RCCD1: variants seen among roughly 807,000 people sequenced by gnomAD.
RCCD1 encodes the protein RCC1 domain containing 1.
Under a neutral mutation model 37.6 loss-of-function variants are expected in RCCD1, and 40 were observed. The ratio of observed to expected loss-of-function variants is 1.06; its 90% CI spans 0.83 to 1.39. The LOEUF (loss-of-function observed/expected upper bound fraction) is 1.39. RCCD1 is among the 40% of genes most tolerant of loss of function. The probability of loss-of-function intolerance (pLI) is 0.00; values close to 1 mark genes in which losing one functional copy is unlikely to be tolerated. For missense variants in RCCD1, 577 were observed against 517.3 expected (o/e 1.12, Z -1.12); for synonymous variants, 263 against 230.0 (o/e 1.14, Z -1.30).
At position 90,957,668 on chromosome 15, in the gene RCCD1, C is replaced by T. The variant is rs1485202782; in HGVS notation, c.622C>T (p.Gln208Ter). The T allele has an allele frequency of 6.2e-7, 1 of 1,613,980 alleles. No homozygotes were observed. Among genetic ancestry groups the T allele is most frequent in the Non-Finnish European group, 8.5e-7 (1 of 1,179,998 alleles). Residue 208 changes from glutamine (Q) to a stop codon, truncating the protein, a stop_gained, in exon 4 of 8, where the codon CAG becomes TAG. Coordinates refer to ENST00000394258, the MANE Select transcript of RCCD1 (RefSeq NM_001017919.2). LOFTEE classifies it high-confidence loss of function. ...ELEPRLLEAL[Q>*]GLVMAEVAAG... is the part of the protein sequence containing the mutation. ...GGAGCCACGGCTGTTGGAGGCGTTG[C>T]AGGGCCTAGTCATGGCTGAGGTGGC... is the stretch of plus-strand genomic sequence containing the variant.
chr15:90,960,293 C>A, intron 5 of RCCD1, 35 bp from the exon 6 acceptor site: 1 of 1,561,304 alleles, frequency 6.4e-7, no homozygotes. Context: ...GCTCAGGGCT[C>A]AGTTGGTGTT....
intron 6 of RCCD1, 143 bp downstream of exon 6, chr15:90,960,641 T>A (rs1867219): frequency 1.7e-5 from 13 of 753,208 alleles, no homozygotes; most frequent in African/African-American, 1.6e-4. Flanking sequence ...CCCAACCCCC[T>A]TGTTGTTTCA....
In RCCD1 at chr15:90,956,900, C is replaced by G; in HGVS notation, c.166C>G (p.Arg56Gly). The change falls in exon 2 of 8, where the codon CGT (arginine) becomes GGT (glycine). Residue 56 changes from arginine to glycine, a missense_variant and splice_region_variant. By Grantham distance (125) the Arg-to-Gly change is moderately radical. Coordinates refer to ENST00000394258, the MANE Select transcript of RCCD1 (RefSeq NM_001017919.2). ...ASWSYTAFVT[R>G]GGRLELSGSA... The stretch of plus-strand genomic sequence containing the variant: ...CTGGAGCTACACCGCTTTCGTGACC[C>G]GTGAGCACTCCCCGCCCCGTCCCCA... The G allele has an allele frequency of 7.8e-7, 1 of 1,285,856 alleles. No individual in the cohort carries two copies. Among genetic ancestry groups the G allele is most frequent in the Non-Finnish European group, 9.8e-7 (1 of 1,017,614 alleles). 79.7% of individuals were successfully genotyped at this position (1,285,856 alleles called of 1,614,324 possible). A position where few individuals can be genotyped will look rare whatever the true frequency, so the allele number is the denominator to read the frequency against.
chr15:90,956,910 C>G lies in RCCD1; in HGVS notation c.166+10C>G. 1 of 1,281,916 alleles carries G rather than the reference C, an allele frequency of 7.8e-7. No homozygotes were observed. Among genetic ancestry groups the G allele is most frequent in the Non-Finnish European group, 9.8e-7 (1 of 1,016,190 alleles). The allele number at this position is 1,281,916 out of a possible 1,614,324, so 79.4% of individuals were successfully genotyped here. A position where few individuals can be genotyped will look rare whatever the true frequency, so the allele number is the denominator to read the frequency against. On this transcript the variant is annotated intron_variant, in intron 2 of 7. Transcript: ENST00000394258. ...ACCGCTTTCGTGACCCGTGAGCACT[C>G]CCCGCCCCGTCCCCACTTATTCCAG... is the stretch of plus-strand genomic sequence containing the variant.
At chr15:90,957,969 T>C (rs1004358218) in intron 4 of RCCD1, among the ~76,000 whole-genome samples, 9 of 152,068 alleles carry the variant, frequency 5.9e-5, no homozygotes, top group Non-Finnish European at 1.0e-4. Flanking sequence ...GCCCCTCCCC[T>C]CCTCTCCCCA....
intron 4 of RCCD1, among the ~76,000 whole-genome samples, chr15:90,958,802 C>T (rs1014809724): frequency 6.1e-5 from 9 of 146,942 alleles, no homozygotes; most frequent in East Asian, 2.0e-4. Flanking sequence ...CGTGGCGGCT[C>T]GTGCCTGTGG....
rs768546087 is a variant in RCCD1 at position 90,957,719 on chromosome 15, G to A, written c.673G>A (p.Val225Met). Residue 225 changes from valine to methionine, a missense_variant, in exon 4 of 8, where the codon GTG becomes ATG. By Grantham distance (21) the Val-to-Met change is conservative. Coordinates refer to ENST00000394258, the MANE Select transcript of RCCD1 (RefSeq NM_001017919.2). Reference protein sequence around the residue: ...VAAGGWHSVCVSETGDIYIWG... With the variant: ...VAAGGWHSVCMSETGDIYIWG... ...CGCGGGGGGCTGGCATTCTGTGTGT[G>A]TGAGTGGTGAGTGACTTAGTGCTTC... The A allele has an allele frequency of 4.4e-6, 7 of 1,605,906 alleles. No homozygotes were observed. Among genetic ancestry groups the A allele is most frequent in the African/African-American group, 1.3e-5 (1 of 74,806 alleles).
At chr15:90,959,405 C>T (rs547780201) in intron 4 of RCCD1, among the ~76,000 whole-genome samples, 7 of 152,290 alleles carry the variant, frequency 4.6e-5, no homozygotes, top group Non-Finnish European at 8.8e-5. Context: ...TCATCAGGAC[C>T]GGCTGTGGGT....
intron 4 of RCCD1, among the ~76,000 whole-genome samples, chr15:90,959,377 G>A (rs2037268661): frequency 6.6e-6 from 1 of 152,250 alleles, no homozygotes; most frequent in South Asian, 2.1e-4. Flanking sequence ...CCAGGAAGGG[G>A]AGAGCTGCAC....
chr15:90,960,397 C>G lies in RCCD1; in HGVS notation c.848C>G (p.Pro283Arg), dbSNP rs923179947. 18 of 1,613,742 alleles carry G rather than the reference C, an allele frequency of 1.1e-5. No homozygotes were observed. The highest frequency in any genetic ancestry group is 1.7e-5 in the Admixed American group (1 of 59,982). The change falls in exon 6 of 8, where the codon CCC (proline) becomes CGC (arginine). Residue 283 changes from proline (P) to arginine (R), a missense_variant. Physicochemically the swap from Pro to Arg is moderately radical, Grantham distance 103. Transcript: ENST00000394258. ...GGGGCTGAGGATGGAGCCCCTGCCC[C>G]CTTCATAGCTGTCCAGCCCTTCCCG... is the stretch of plus-strand genomic sequence containing the variant. ...TGGAEDGAPA[P>R]FIAVQPFPAL...
At position 90,956,595 on chromosome 15, in the gene RCCD1, G is replaced by A. The variant is rs2037198075; in HGVS notation, c.-123-17G>A. 1.3e-5 allele frequency: 11 copies of A among 819,908 alleles called. No homozygotes were observed. The highest frequency in any genetic ancestry group is 1.8e-5 in the Non-Finnish European group (11 of 612,820). 50.8% of individuals were successfully genotyped at this position (819,908 alleles called of 1,614,324 possible). A position where few individuals can be genotyped will look rare whatever the true frequency, so the allele number is the denominator to read the frequency against. ...TGCCTTTGTGGTCGGGAGAATGATA[G>A]TTTCTCCATTTTACAGATAAGGCAG... On this transcript the variant is annotated splice_polypyrimidine_tract_variant and intron_variant, in intron 1 of 7. Coordinates refer to ENST00000394258, the MANE Select transcript of RCCD1 (RefSeq NM_001017919.2).
At chr15:90,960,262 T>TG in intron 5 of RCCD1, 66 bp from the exon 6 acceptor site, 1 of 1,478,218 alleles carries the variant, frequency 6.8e-7, no homozygotes, top group Non-Finnish European at 9.2e-7. Context: ...TGGCAATAAG[T>TG]GACTGCATGA....
At position 90,956,664 on chromosome 15, in the gene RCCD1, C is replaced by A; in HGVS notation, c.-71C>A. On this transcript the variant is annotated 5_prime_UTR_variant, in exon 2 of 8. Transcript: ENST00000394258. ...CAGAGACTTGCCAGTGTCCCACTAG[C>A]GGGCTCTTCGCAAGAATCCCCCCGG... 1 of 1,216,608 alleles carries A rather than the reference C, an allele frequency of 8.2e-7. No individual in the cohort carries two copies. Among genetic ancestry groups the A allele is most frequent in the Non-Finnish European group, 1.0e-6 (1 of 972,562 alleles). 75.4% of individuals were successfully genotyped at this position (1,216,608 alleles called of 1,614,324 possible).
intron 5 of RCCD1, 71 bp from the exon 6 acceptor site, chr15:90,960,257 A>C: frequency 6.8e-7 from 1 of 1,460,762 alleles, no homozygotes; most frequent in Non-Finnish European, 9.3e-7. Context: ...TGTTGTGGCA[A>C]TAAGTGACTG....
In RCCD1 at chr15:90,961,773, G is replaced by C; in HGVS notation, c.*4G>C. ...TGTGGAGAAAGGGAAGAGCTGACAT[G>C]TGTACGTATATGTATATGCAACACC... On this transcript the variant is annotated 3_prime_UTR_variant, in exon 8 of 8. Coordinates refer to ENST00000394258, the MANE Select transcript of RCCD1 (RefSeq NM_001017919.2). The C allele has an allele frequency of 1.2e-6, 2 of 1,606,716 alleles. No homozygotes were observed. Among genetic ancestry groups the C allele is most frequent in the Non-Finnish European group, 1.7e-6 (2 of 1,179,592 alleles).
At position 90,956,652 on chromosome 15, in the gene RCCD1, G is replaced by T; in HGVS notation, c.-83G>T. ...CCCCTGGAAGGCCAGAGACTTGCCA[G>T]TGTCCCACTAGCGGGCTCTTCGCAA... On this transcript the variant is annotated 5_prime_UTR_variant, in exon 2 of 8. Transcript: ENST00000394258. 1 of 1,187,280 alleles carries T rather than the reference G, an allele frequency of 8.4e-7. No individual in the cohort carries two copies. The highest frequency in any genetic ancestry group is 1.1e-6 in the Non-Finnish European group (1 of 945,866). 73.5% of individuals were successfully genotyped at this position (1,187,280 alleles called of 1,614,324 possible).
At chr15:90,956,578 T>C (rs2037197605) in intron 1 of RCCD1, 34 bp from the exon 2 acceptor site, 2 of 686,528 alleles carry the variant, frequency 2.9e-6, no homozygotes, top group Admixed American at 8.7e-5. Context: ...TCTGCCTTTG[T>C]GGTCGGGAGA....
Position 90,961,857 on chromosome 15 carries a change from T to C in RCCD1, c.*88T>C. 1 of 1,382,220 alleles carries C rather than the reference T, an allele frequency of 7.2e-7. No homozygotes were observed. Among genetic ancestry groups the C allele is most frequent in the East Asian group, 2.3e-5 (1 of 43,146 alleles). The allele number at this position is 1,382,220 out of a possible 1,614,324, so 85.6% of individuals were successfully genotyped here. ...TGCCTGCACCCCAAGGGCCCCATAT[T>C]TGCCCCTCCCCATCACAGTCCTGCC... On this transcript the variant is annotated 3_prime_UTR_variant, in exon 8 of 8. Coordinates refer to ENST00000394258, the MANE Select transcript of RCCD1 (RefSeq NM_001017919.2).
At chr15:90,959,152 C>A (rs960861440) in intron 4 of RCCD1, among the ~76,000 whole-genome samples, 5 of 152,078 alleles carry the variant, frequency 3.3e-5, no homozygotes, top group Admixed American at 2.6e-4. Context: ...GTACTTAACC[C>A]CCTCTGTGCC....
Sources: gnomAD v4.1 joint callset for allele counts (sites outside exome capture counted in the v4.1 genomes callset) on GRCh38, gnomAD v4.1.1 for gene constraint, MANE v1.5 for transcripts, NCBI Gene and HGNC (gene_info 2026-07-23, HGNC 2026-07-21) for gene names.